BNC2: variants seen among roughly 807,000 people sequenced by gnomAD.
BNC2 encodes the protein basonuclin zinc finger protein 2, also known as zinc finger protein basonuclin-2.
BNC2 carries 20 observed loss-of-function variants against 76.3 expected under a neutral mutation model. The observed-to-expected ratio is 0.26, with a 90% CI of 0.18 to 0.38. The LOEUF (loss-of-function observed/expected upper bound fraction) is 0.38. BNC2 is among the 10% of genes least tolerant of loss of function. BNC2 has a pLI of 1.00. For missense variants in BNC2, 1,382 were observed against 1,399.8 expected, an observed-to-expected ratio of 0.99 and a Z score of 0.20; for synonymous variants, 582 against 514.8, an observed-to-expected ratio of 1.13 and a Z score of -1.77.
chr9:16,852,336 T>A (rs1819147108), intron 1 of BNC2, among the ~76,000 whole-genome samples: 1 of 152,202 alleles, frequency 6.6e-6, no homozygotes, highest in Non-Finnish European at 1.5e-5. Context: ...ACATCTATCC[T>A]GGAAACCACT....
At chr9:16,605,262 T>C (rs780411236) in intron 3 of BNC2, among the ~76,000 whole-genome samples, 12 of 152,260 alleles carry the variant, frequency 7.9e-5, no homozygotes, top group Non-Finnish European at 1.8e-4. Context: ...TCATATATTA[T>C]CTGCAAAGTT....
At chr9:16,528,941 G>T (rs535562943) in intron 5 of BNC2, among the ~76,000 whole-genome samples, 1 of 152,310 alleles carries the variant, frequency 6.6e-6, no homozygotes, top group South Asian at 2.1e-4. Flanking sequence ...CCAGAGGCCA[G>T]AAGTTTGCAA....
chr9:16,705,081 G>A (rs912648410), intron 3 of BNC2: 15 of 152,202 alleles, frequency 9.9e-5, no homozygotes, highest in East Asian at 1.9e-4. Flanking sequence ...TCATGCTAGT[G>A]GGTAAAATTT....
rs189108273 is a variant in BNC2 at position 16,773,123 on chromosome 9, T to C, written c.4-34638A>G. Among the ~76,000 whole-genome samples the C allele has an allele frequency of 6.9e-4, 105 of 152,276 alleles. No individual in the cohort carries two copies. In the East Asian group the frequency reaches 0.01, roughly 15 times the overall value. ...ACCAATTCTGTCCTGATTGCTGTTCTTTTTACTATCAAGGGACACTCTTGC... is the reference window on the plus strand; with the variant it reads ...ACCAATTCTGTCCTGATTGCTGTTCCTTTTACTATCAAGGGACACTCTTGC... On this transcript the variant is annotated intron_variant, in intron 1 of 6. Coordinates refer to ENST00000380672, the MANE Select transcript of BNC2 (RefSeq NM_017637.6).
intron 3 of BNC2, among the ~76,000 whole-genome samples, chr9:16,684,917 G>A (rs190135449): frequency 2.0e-5 from 3 of 146,504 alleles, no homozygotes; most frequent in African/African-American, 5.0e-5. Context: ...AAAAAAAAAT[G>A]TACTTTGCTA....
chr9:16,692,898 G>A (rs1358282747), intron 3 of BNC2, among the ~76,000 whole-genome samples: 1 of 152,090 alleles, frequency 6.6e-6, no homozygotes, highest in African/African-American at 2.4e-5. Context: ...GGGGGGCCAA[G>A]GTGGGTGGAT....
rs780283573 is a variant in BNC2 at position 16,436,913 on chromosome 9, A to G, written c.1281T>C (p.His427=). The G allele has an allele frequency of 6.2e-7, 1 of 1,614,136 alleles. No homozygotes were observed. The change falls in exon 6 of 7, where the codon CAT becomes CAC. Residue 427 remains histidine, a synonymous_variant. Transcript: ENST00000380672. The part of the protein sequence containing the change: ...TEHPKSSFRI[H]RMRRMGSASR... ...AGGCTGACCCCATCCTTCTCATCCG[A>G]TGAATCCGGAATGAGCTTTTTGGGT...
Position 16,436,508 on chromosome 9 carries a change from C to G in BNC2, c.1686G>C (p.Gly562=). ...GAGGAACTGGTTGTACAGTCTTTAGCCCAGAAAATACTAGCTGGCTAGGGA... is the reference window on the plus strand; with the variant it reads ...GAGGAACTGGTTGTACAGTCTTTAGGCCAGAAAATACTAGCTGGCTAGGGA... ...NPLPSQLVFS[G]LKTVQPVPPF... Residue 562 remains glycine, a synonymous_variant, in exon 6 of 7, where the codon GGG becomes GGC. Transcript: ENST00000380672. The G allele has an allele frequency of 1.9e-6, 3 of 1,614,008 alleles. No individual in the cohort carries two copies. The highest frequency in any genetic ancestry group is 2.5e-6 in the Non-Finnish European group (3 of 1,180,030).
intron 5 of BNC2, among the ~76,000 whole-genome samples, chr9:16,503,564 C>G (rs1396418374): frequency 6.6e-6 from 1 of 152,052 alleles, no homozygotes; most frequent in Non-Finnish European, 1.5e-5. Context: ...AACTAGGTCT[C>G]TAATCATATG....
chr9:16,850,241 T>G (rs1025023928), intron 1 of BNC2, among the ~76,000 whole-genome samples: 1 of 152,208 alleles, frequency 6.6e-6, no homozygotes, highest in Non-Finnish European at 1.5e-5. Flanking sequence ...TATCAGGCAC[T>G]TAAAACATAG....
chr9:16,596,689 C>T (rs979577508), intron 3 of BNC2, among the ~76,000 whole-genome samples: 10 of 152,040 alleles, frequency 6.6e-5, no homozygotes, highest in East Asian at 1.9e-4. Context: ...GGCTGGCCAA[C>T]GATTATACAG....
intron 5 of BNC2, among the ~76,000 whole-genome samples, chr9:16,505,597 G>A (rs1822607513): frequency 6.6e-6 from 1 of 152,046 alleles, no homozygotes; most frequent in Admixed American, 6.6e-5. Context: ...TTTTAAGCTT[G>A]AAACACTAAA....
At chr9:16,868,662 G>C (rs886856233) in intron 1 of BNC2, among the ~76,000 whole-genome samples, 1 of 152,102 alleles carries the variant, frequency 6.6e-6, no homozygotes, top group African/African-American at 2.4e-5. Flanking sequence ...CCTGTACTTT[G>C]GTAAAGTGAT....
chr9:16,834,567 C>T (rs112412216), intron 1 of BNC2, among the ~76,000 whole-genome samples: 2 of 152,300 alleles, frequency 1.3e-5, no homozygotes, highest in African/African-American at 4.8e-5. Context: ...GAAAACAATG[C>T]TACTTCCTTA....
chr9:16,739,894 AGCAAG>A (rs773072680), intron 1 of BNC2, among the ~76,000 whole-genome samples: 21 of 152,348 alleles, frequency 1.4e-4, no homozygotes, highest in Non-Finnish European at 2.6e-4. Flanking sequence ...GAGAATATAT[AGCAAG>A]TTTAGTATGG....
intron 5 of BNC2, among the ~76,000 whole-genome samples, chr9:16,475,455 C>T (rs571040205): frequency 1.3e-4 from 20 of 149,534 alleles, no homozygotes; most frequent in South Asian, 4.2e-4. Flanking sequence ...GCCAGGAAGA[C>T]GCAAAACCAT....
At chr9:16,670,603 A>T (rs1822447722) in intron 3 of BNC2, among the ~76,000 whole-genome samples, 1 of 152,220 alleles carries the variant, frequency 6.6e-6, no homozygotes, top group Non-Finnish European at 1.5e-5. Flanking sequence ...TGTGTTAATA[A>T]AAGGGAAATG....
intron 1 of BNC2, among the ~76,000 whole-genome samples, chr9:16,854,185 A>C (rs1297550757): frequency 2.0e-5 from 3 of 152,208 alleles, no homozygotes; most frequent in Non-Finnish European, 4.4e-5. Flanking sequence ...AAAAGGAAGG[A>C]AAGATTGAAA....
At chr9:16,812,589 G>C (rs1015872321) in intron 1 of BNC2, among the ~76,000 whole-genome samples, 2 of 152,160 alleles carry the variant, frequency 1.3e-5, no homozygotes, top group African/African-American at 2.4e-5. Context: ...GTCATTTTTG[G>C]AGTGTTTCAT....
Sources: allele counts gnomAD v4.1 joint callset (sites outside exome capture counted in the v4.1 genomes callset), GRCh38; gene constraint gnomAD v4.1.1; transcripts MANE v1.5; gene names NCBI Gene and HGNC (gene_info 2026-07-23, HGNC 2026-07-21).